The following EDIL3 variants were observed in gnomAD, a reference collection of about 807,000 sequenced individuals.
EDIL3 encodes EGF-like repeat and discoidin I-like domain-containing protein 3.
Under a neutral mutation model 67.4 loss-of-function variants are expected in EDIL3, and 37 were observed. The observed-to-expected ratio is 0.55, with a 90% CI of 0.42 to 0.72. The LOEUF is 0.72. Ranked by LOEUF, EDIL3 falls within the 30% of genes least tolerant of loss-of-function variation. The pLI, the probability that EDIL3 is intolerant of heterozygous loss-of-function variation, is 0.00. For synonymous variants in EDIL3, 195 were observed against 196.3 expected (o/e 0.99, Z 0.05); for missense variants, 527 against 586.3 (o/e 0.90, Z 1.04).
chr5:84,368,761 C>A (rs1338937881), intron 1 of EDIL3, among the ~76,000 whole-genome samples: 1 of 151,812 alleles, frequency 6.6e-6, no homozygotes, highest in Admixed American at 6.6e-5. Context: ...ATATAGAGAA[C>A]TTTAAAACTC....
At chr5:84,041,660 G>GTATATACT (rs575232910) in intron 9 of EDIL3, among the ~76,000 whole-genome samples, 1 of 145,604 alleles carries the variant, frequency 6.9e-6, no homozygotes. Context: ...ATACTTATAT[G>GTATATACT]TATATACTTA....
At chr5:84,240,329 T>C (rs1744771397) in intron 2 of EDIL3, among the ~76,000 whole-genome samples, 1 of 152,154 alleles carries the variant, frequency 6.6e-6, no homozygotes, top group African/African-American at 2.4e-5. Flanking sequence ...TTGAATAATA[T>C]ATTATCAAGG....
intron 1 of EDIL3, among the ~76,000 whole-genome samples, chr5:84,324,029 A>G (rs1203628677): frequency 2.0e-5 from 3 of 151,892 alleles, no homozygotes; most frequent in East Asian, 1.9e-4. Context: ...GTAAAAAATC[A>G]GAGGACTTAA....
intron 6 of EDIL3, among the ~76,000 whole-genome samples, chr5:84,090,791 C>CA (rs1029137092): frequency 4.0e-5 from 6 of 150,466 alleles, no homozygotes; most frequent in Non-Finnish European, 7.4e-5. Context: ...ACTGAAAATA[C>CA]AAAAAAAATA....
intron 9 of EDIL3, among the ~76,000 whole-genome samples, chr5:84,011,197 A>G (rs555844163): frequency 1.3e-5 from 2 of 152,254 alleles, no homozygotes; most frequent in African/African-American, 4.8e-5. Flanking sequence ...TAGTAGCTAC[A>G]TCACTGTCCA....
rs374460298 is a variant in EDIL3 at position 84,303,794 on chromosome 5, G to GTC, written c.68-49584_68-49583dup. On this transcript the variant is annotated intron_variant, in intron 1 of 10. Coordinates refer to ENST00000296591, the MANE Select transcript of EDIL3 (RefSeq NM_005711.5). ...CCGGAGGCATCAACTTGAACAGCAT[G>GTC]TCTCTCTCTCTCTCTGTGTGTGTGT... is the stretch of plus-strand genomic sequence containing the variant. 9.0e-3 allele frequency among the ~76,000 whole-genome samples: 1,243 copies of GTC among 138,802 alleles called. 20 individuals are homozygous for GTC. The highest frequency in any genetic ancestry group is 0.025 in the African/African-American group (941 of 37,546). The allele number at this position is 138,802 out of a possible 152,430, so 91.1% of individuals were successfully genotyped here. A position where few individuals can be genotyped will look rare whatever the true frequency, so the allele number is the denominator to read the frequency against.
intron 9 of EDIL3, among the ~76,000 whole-genome samples, chr5:83,998,054 T>A (rs1371549088): frequency 6.6e-6 from 1 of 152,132 alleles, no homozygotes; most frequent in Admixed American, 6.5e-5. Flanking sequence ...AAAAGCAGTC[T>A]AGGCCACAAG....
chr5:84,328,634 G>T (rs1746812798), intron 1 of EDIL3, among the ~76,000 whole-genome samples: 2 of 151,920 alleles, frequency 1.3e-5, no homozygotes, highest in Non-Finnish European at 1.5e-5. Context: ...TCTTTACCAT[G>T]CCTCTGCTTC....
At chr5:84,207,606 A>G (rs1331318371) in intron 3 of EDIL3, among the ~76,000 whole-genome samples, 1 of 151,222 alleles carries the variant, frequency 6.6e-6, no homozygotes, top group East Asian at 1.9e-4. Flanking sequence ...CTAAGCCAAA[A>G]GAACAAAGCT....
At chr5:84,295,549 T>C (rs1280360802) in intron 1 of EDIL3, among the ~76,000 whole-genome samples, 3 of 152,108 alleles carry the variant, frequency 2.0e-5, no homozygotes, top group African/African-American at 7.2e-5. Context: ...GCAAACTTAC[T>C]GACTTTTCCT....
chr5:84,312,635 G>A (rs960518947), intron 1 of EDIL3, among the ~76,000 whole-genome samples: 6 of 150,586 alleles, frequency 4.0e-5, no homozygotes, highest in East Asian at 2.0e-4. Flanking sequence ...CTTCCCGGAC[G>A]GGGCGGCTGG....
rs1308817291 is a variant in EDIL3, at chr5:84,319,265, G to C, written c.67+65043C>G. ...AGGCGGGCGGATCACGAGGTCAGGAGATCGAGACCACGGTGAAACCCCGTC... is the reference window on the plus strand; with the variant it reads ...AGGCGGGCGGATCACGAGGTCAGGACATCGAGACCACGGTGAAACCCCGTC... On this transcript the variant is annotated intron_variant, in intron 1 of 10. Coordinates refer to ENST00000296591, the MANE Select transcript of EDIL3 (RefSeq NM_005711.5). Among the ~76,000 whole-genome samples, 2 of 79,480 alleles carry C rather than the reference G, an allele frequency of 2.5e-5. 1 individual carries two copies. The highest frequency in any genetic ancestry group is 5.9e-5 in the Non-Finnish European group (2 of 33,890). 52.1% of individuals were successfully genotyped at this position (79,480 alleles called of 152,430 possible). A position where few individuals can be genotyped will look rare whatever the true frequency, so the allele number is the denominator to read the frequency against.
chr5:84,352,514 G>C (rs2112190694), intron 1 of EDIL3, among the ~76,000 whole-genome samples: 1 of 152,214 alleles, frequency 6.6e-6, no homozygotes. Context: ...GGAGCTCGGG[G>C]CCATTATCCT....
intron 4 of EDIL3, among the ~76,000 whole-genome samples, chr5:84,148,623 G>A (rs1407449738): frequency 6.6e-6 from 1 of 151,972 alleles, no homozygotes; most frequent in African/African-American, 2.4e-5. Context: ...AAAGAGCTGG[G>A]TGGCTAGATT....
intron 3 of EDIL3, chr5:84,196,919 T>C (rs1046220692): frequency 6.6e-6 from 1 of 152,044 alleles, no homozygotes; most frequent in Non-Finnish European, 1.5e-5. Flanking sequence ...AAGATTGGAA[T>C]GATACAGAGA....
Position 84,384,682 on chromosome 5 carries a change from G to C in EDIL3, c.-308C>G, listed in dbSNP as rs1009388676. 17 of 182,086 alleles carry C rather than the reference G, an allele frequency of 9.3e-5. No individual in the cohort carries two copies. The highest frequency in any genetic ancestry group is 3.1e-4 in the Admixed American group (5 of 16,086). The allele number at this position is 182,086 out of a possible 1,614,324, so 11.3% of individuals were successfully genotyped here. On this transcript the variant is annotated 5_prime_UTR_variant, in exon 1 of 11. Transcript: ENST00000296591. ...GGCAGAGGCGCGGCGGGCGGGGCGC[G>C]GGCTCCCGCGGCCGCCCCGGGTCTG... is the stretch of plus-strand genomic sequence containing the variant.
rs201229659 is a variant in EDIL3 at position 83,970,390 on chromosome 5, AT to A, written c.1138-7031del. ...ATGTGGTTTCTGTTATATTTGTTGC[AT>A]TTTTTTTCTAATTTGCTATGTCACT... On this transcript the variant is annotated intron_variant, in intron 9 of 10. Transcript: ENST00000296591. Among the ~76,000 whole-genome samples the A allele has an allele frequency of 5.7e-3, 839 of 146,176 alleles. 7 individuals carry two copies. Among genetic ancestry groups the A allele is most frequent in the African/African-American group, 0.019 (772 of 39,884 alleles).
chr5:84,137,433 A>T, intron 4 of EDIL3, 79 bp from the exon 5 acceptor site: 13 of 1,236,326 alleles, frequency 1.1e-5, no homozygotes, highest in Non-Finnish European at 1.5e-5. Flanking sequence ...AACATTTGAA[A>T]TACAAATGTC....
intron 1 of EDIL3, 134 bp downstream of exon 1, chr5:84,384,174 C>T (rs1748165353): frequency 3.6e-6 from 4 of 1,105,844 alleles, no homozygotes; most frequent in Non-Finnish European, 2.6e-6. Flanking sequence ...CAGGACTCGA[C>T]GCCTCCTCCG....
Sources: allele counts gnomAD v4.1 joint callset (sites outside exome capture counted in the v4.1 genomes callset), GRCh38; gene constraint gnomAD v4.1.1; transcripts MANE v1.5; gene names NCBI Gene and HGNC (gene_info 2026-07-23, HGNC 2026-07-21).